OSBPL3: variants seen among roughly 807,000 people sequenced by gnomAD.
OSBPL3 encodes the protein oxysterol binding protein like 3.
Under a neutral mutation model 120.1 loss-of-function variants are expected in OSBPL3, and 65 were observed. The ratio of observed to expected loss-of-function variants is 0.54; its 90% CI spans 0.44 to 0.67. The LOEUF is 0.67. Among genes scored for constraint, OSBPL3 ranks in the 30% least tolerant of loss-of-function variants. OSBPL3 has a pLI of 0.00. For missense variants in OSBPL3, 1,004 were observed against 1,082.1 expected (o/e 0.93, Z 1.01); for synonymous variants, 416 against 402.6 (o/e 1.03, Z -0.40).
At chr7:24,801,969 G>A (rs150222109) in intron 22 of OSBPL3, among the ~76,000 whole-genome samples, 19 of 152,310 alleles carry the variant, frequency 1.2e-4, no homozygotes, top group African/African-American at 4.1e-4. Flanking sequence ...TTTTGTATGT[G>A]TGTGAGTACG....
intron 1 of OSBPL3, among the ~76,000 whole-genome samples, chr7:24,973,003 T>C (rs549410032): frequency 6.6e-6 from 1 of 151,678 alleles, no homozygotes; most frequent in Non-Finnish European, 1.5e-5. Context: ...ATACTAAAAA[T>C]AAAGATTTTA....
rs1419545200 is a variant in OSBPL3 at position 24,873,020 on chromosome 7, A to G, written c.97-951T>C. ...TTAAGAGTATGCCTTGATAAAAATG[A>G]TAAATTTTTACATTTATACATATAC... On this transcript the variant is annotated intron_variant, in intron 2 of 22. Transcript: ENST00000313367. This position sits in a 1 kb window ranked among gnomAD's most constrained non-coding sequence, Gnocchi z 4.1. 6.6e-6 allele frequency among the ~76,000 whole-genome samples: 1 copy of G among 152,202 alleles called. No homozygotes were observed. Among genetic ancestry groups the G allele is most frequent in the African/African-American group, 2.4e-5 (1 of 41,452 alleles).
chr7:24,952,384 C>T lies in OSBPL3; in HGVS notation c.-150+27502G>A, dbSNP rs1199960564. On this transcript the variant is annotated intron_variant, in intron 1 of 22. Coordinates refer to ENST00000313367, the MANE Select transcript of OSBPL3 (RefSeq NM_015550.4). This position sits in a 1 kb window ranked among gnomAD's most constrained non-coding sequence, Gnocchi z 4.4. ...TGTCATGTAATCACTAATCATATAC[C>T]GGTTATCTAGGTCTCCTGACATTCA... 6.6e-6 allele frequency among the ~76,000 whole-genome samples: 1 copy of T among 152,154 alleles called. No homozygotes were observed. The highest frequency in any genetic ancestry group is 1.5e-5 in the Non-Finnish European group (1 of 68,024).
chr7:24,956,141 C>T (rs1815018633), intron 1 of OSBPL3, among the ~76,000 whole-genome samples: 2 of 152,216 alleles, frequency 1.3e-5, no homozygotes, highest in African/African-American at 2.4e-5. Context: ...TGGATGTGAA[C>T]GCAGTGCTGA....
chr7:24,852,906 G>A lies in OSBPL3; in HGVS notation c.1028-272C>T, dbSNP rs1044526944. ...CTCTGGTGTGGGATGCTGATGGCGG[G>A]GGGACGGTGCCTACATGGGAGCAGG... On this transcript the variant is annotated intron_variant, in intron 10 of 22. Transcript: ENST00000313367. This position sits in a 1 kb window ranked among gnomAD's most constrained non-coding sequence, Gnocchi z 4.1. Among the ~76,000 whole-genome samples the A allele has an allele frequency of 1.3e-5, 2 of 152,098 alleles. No homozygotes were observed. The highest frequency in any genetic ancestry group is 4.8e-5 in the African/African-American group (2 of 41,410).
chr7:24,871,986 T>C lies in OSBPL3; in HGVS notation c.180A>G (p.Lys60=), dbSNP rs1305635003. Reference sequence around the variant, plus strand: ...AGCCTTTTAAGGGCCACTTCCTCTTTTTCAGCAAAAATCCTTTCTGAACTG... The same window carrying C: ...AGCCTTTTAAGGGCCACTTCCTCTTCTTCAGCAAAAATCCTTTCTGAACTG... ...EPPVQKGFLL[K]KRKWPLKGWH... Residue 60 remains lysine, a synonymous_variant, in exon 3 of 23, where the codon AAA becomes AAG. Transcript: ENST00000313367. This position sits in a 1 kb window ranked among gnomAD's most constrained non-coding sequence, Gnocchi z 4.8. 1 of 1,614,078 alleles carries C rather than the reference T, an allele frequency of 6.2e-7. No homozygotes were observed. Among genetic ancestry groups the C allele is most frequent in the South Asian group, 1.1e-5 (1 of 91,072 alleles).
intron 1 of OSBPL3, among the ~76,000 whole-genome samples, chr7:24,895,129 G>A (rs1805949678): frequency 6.6e-6 from 1 of 152,130 alleles, no homozygotes; most frequent in African/African-American, 2.4e-5. Flanking sequence ...TCAGGAATTT[G>A]GTTAAAGCCA....
At chr7:24,925,697 G>A (rs1474901579) in intron 1 of OSBPL3, among the ~76,000 whole-genome samples, 1 of 152,192 alleles carries the variant, frequency 6.6e-6, no homozygotes, top group Non-Finnish European at 1.5e-5. Context: ...CTCTATCACT[G>A]TAGCAGACAG....
chr7:24,850,959 T>C (rs1799077884), intron 11 of OSBPL3, among the ~76,000 whole-genome samples: 2 of 152,154 alleles, frequency 1.3e-5, no homozygotes, highest in African/African-American at 4.8e-5. Context: ...AAATCGTGAA[T>C]ATGGGTGAGA....
In OSBPL3 at chr7:24,817,355, A is replaced by T. The variant is rs1794598173; in HGVS notation, c.1949-667T>A. Reference sequence around the variant, plus strand: ...AACATGGCGAAACCCCTTCTCTATTAAAAATACAAAAATTAGCTGGGCGTT... The same window carrying T: ...AACATGGCGAAACCCCTTCTCTATTTAAAATACAAAAATTAGCTGGGCGTT... On this transcript the variant is annotated intron_variant, in intron 17 of 22. Coordinates refer to ENST00000313367, the MANE Select transcript of OSBPL3 (RefSeq NM_015550.4). The surrounding 1 kb of genome is among the most constrained non-coding windows in gnomAD (Gnocchi z 4.0). 6.6e-6 allele frequency among the ~76,000 whole-genome samples: 1 copy of T among 152,144 alleles called. No individual in the cohort carries two copies.
At chr7:24,923,436 C>T (rs146901712) in intron 1 of OSBPL3, among the ~76,000 whole-genome samples, 1 of 152,180 alleles carries the variant, frequency 6.6e-6, no homozygotes, top group Non-Finnish European at 1.5e-5. Flanking sequence ...GGAAGTATTT[C>T]GAAGTTAGAC....
intron 18 of OSBPL3, among the ~76,000 whole-genome samples, chr7:24,816,264 GC>G (rs1794452905): frequency 6.6e-6 from 1 of 152,122 alleles, no homozygotes; most frequent in Non-Finnish European, 1.5e-5. Flanking sequence ...CTGGACTTAA[GC>G]AATCTGCCCG....
At chr7:24,890,159 G>A (rs989874440) in intron 2 of OSBPL3, among the ~76,000 whole-genome samples, 1 of 152,160 alleles carries the variant, frequency 6.6e-6, no homozygotes, top group Non-Finnish European at 1.5e-5. Flanking sequence ...ATCCCCTCCA[G>A]ATGAAAGAAA....
intron 1 of OSBPL3, among the ~76,000 whole-genome samples, chr7:24,945,117 TTGA>T (rs1813563664): frequency 1.3e-5 from 2 of 152,220 alleles, no homozygotes; most frequent in Non-Finnish European, 2.9e-5. Context: ...ATATTATCAC[TTGA>T]TAATAAAGGA....
rs1462312415 is a variant in OSBPL3, at chr7:24,863,246, C to T, written c.824G>A (p.Arg275Lys). The T allele has an allele frequency of 7.4e-6, 12 of 1,614,182 alleles. No individual in the cohort carries two copies. Among genetic ancestry groups the T allele is most frequent in the Non-Finnish European group, 1.0e-5 (12 of 1,180,000 alleles). The change falls in exon 9 of 23, where the codon AGG (arginine) becomes AAG (lysine). Residue 275 changes from arginine (R) to lysine (K), a missense_variant. Transcript: ENST00000313367. This position sits in a 1 kb window ranked among gnomAD's most constrained non-coding sequence, Gnocchi z 5.8. ...TTTGCCAATAGCTCTGGACCGCCACCTCCTGTGCGATCTTTTTTCCTTTTT... is the reference window on the plus strand; with the variant it reads ...TTTGCCAATAGCTCTGGACCGCCACTTCCTGTGCGATCTTTTTTCCTTTTT... ...SPKKEKRSHRRWRSRAIGKDA... is the reference protein window; with the variant it reads ...SPKKEKRSHRKWRSRAIGKDA...
chr7:24,915,870 C>T (rs747760229), intron 1 of OSBPL3, among the ~76,000 whole-genome samples: 5 of 152,112 alleles, frequency 3.3e-5, no homozygotes, highest in Non-Finnish European at 7.3e-5. Flanking sequence ...CCACCATGCC[C>T]AGCCCATTAA....
In OSBPL3 at chr7:24,940,255, G is replaced by C. The variant is rs116826797; in HGVS notation, c.-150+39631C>G. Among the ~76,000 whole-genome samples, 886 of 152,244 alleles carry C rather than the reference G, an allele frequency of 5.8e-3. 11 individuals are homozygous for C. Among genetic ancestry groups the C allele is most frequent in the African/African-American group, 0.02 (812 of 41,550 alleles). On this transcript the variant is annotated intron_variant, in intron 1 of 22. Coordinates refer to ENST00000313367, the MANE Select transcript of OSBPL3 (RefSeq NM_015550.4). This position sits in a 1 kb window ranked among gnomAD's most constrained non-coding sequence, Gnocchi z 4.4. The stretch of plus-strand genomic sequence containing the variant: ...ATTAAAATCATAAATTTGTAAGAAA[G>C]CCAATAAGCAGAGTGGTAAACTGAG...
At chr7:24,840,480 T>C (rs1380229443) in intron 14 of OSBPL3, among the ~76,000 whole-genome samples, 6 of 152,234 alleles carry the variant, frequency 3.9e-5, no homozygotes, top group Admixed American at 3.9e-4. Context: ...TATTGTAAGA[T>C]TACAGCCTCA....
At chr7:24,897,661 A>G (rs1196000466) in intron 1 of OSBPL3, among the ~76,000 whole-genome samples, 1 of 152,244 alleles carries the variant, frequency 6.6e-6, no homozygotes, top group African/African-American at 2.4e-5. Flanking sequence ...GTCCTTCAAC[A>G]TATTAACATC....
Sources: gnomAD v4.1 joint callset for allele counts (sites outside exome capture counted in the v4.1 genomes callset) on GRCh38, gnomAD v4.1.1 for gene constraint, Gnocchi (gnomAD v3.1) non-coding constraint, MANE v1.5 for transcripts, NCBI Gene and HGNC (gene_info 2026-07-23, HGNC 2026-07-21) for gene names.